Variants in GRIN2B observed in about 807,000 individuals in gnomAD.
The protein encoded by GRIN2B is glutamate receptor ionotropic, NMDA 2B.
A neutral mutation model predicts 114.5 loss-of-function variants in GRIN2B; 5 were observed. The ratio of observed to expected loss-of-function variants is 0.04; its 90% CI spans 0.02 to 0.09. The LOEUF (loss-of-function observed/expected upper bound fraction) is 0.09. Ranked by LOEUF, GRIN2B falls within the 10% of genes least tolerant of loss-of-function variation. The pLI, the probability that GRIN2B is intolerant of heterozygous loss-of-function variation, is 1.00. For synonymous variants in GRIN2B, 787 were observed against 745.1 expected, an observed-to-expected ratio of 1.06 and a Z score of -0.92; for missense variants, 1,108 against 1,943.5, an observed-to-expected ratio of 0.57 and a Z score of 8.08.
intron 3 of GRIN2B, among the ~76,000 whole-genome samples, chr12:13,789,780 C>A (rs967657828): frequency 1.3e-5 from 2 of 152,094 alleles, no homozygotes; most frequent in Non-Finnish European, 2.9e-5. Flanking sequence ...CAGAGTCCCC[C>A]ATAACCACTG....
chr12:13,563,508 C>T lies in GRIN2B; in HGVS notation c.3730G>A (p.Ala1244Thr). Residue 1244 changes from alanine (A) to threonine (T), a missense_variant, in exon 14 of 14, where the codon GCT (alanine) becomes ACT (threonine). This residue lies in a region of GRIN2B where 478 missense variants were observed against 506.0 expected (regional missense o/e 0.94). Transcript: ENST00000609686. ...SGRQACIRCE[A>T]CKKAGNLYDI... is the part of the protein sequence containing the mutation. ...TACAGGTTGCCTGCTTTCTTGCAAG[C>T]CTCACACCGGATGCACGCCTGCCTG... 1.2e-6 allele frequency: 2 copies of T among 1,614,138 alleles called. No individual in the cohort carries two copies. The highest frequency in any genetic ancestry group is 1.7e-6 in the Non-Finnish European group (2 of 1,180,034).
intron 10 of GRIN2B, among the ~76,000 whole-genome samples, chr12:13,603,906 C>G (rs774789815): frequency 6.6e-6 from 1 of 152,022 alleles, no homozygotes; most frequent in Non-Finnish European, 1.5e-5. Context: ...TTTCCAGAGT[C>G]TCGGTGTTCC....
intron 10 of GRIN2B, among the ~76,000 whole-genome samples, chr12:13,596,378 A>C (rs1017898392): frequency 6.6e-6 from 1 of 152,154 alleles, no homozygotes; most frequent in Non-Finnish European, 1.5e-5. Flanking sequence ...GCATTTAGGA[A>C]ATTAATACCA....
At chr12:13,899,849 T>C (rs1866413232) in intron 2 of GRIN2B, among the ~76,000 whole-genome samples, 1 of 106,078 alleles carries the variant, frequency 9.4e-6, no homozygotes, top group African/African-American at 2.7e-5. Context: ...ATTTTTTTAA[T>C]TGAGGAATAA....
intron 3 of GRIN2B, among the ~76,000 whole-genome samples, chr12:13,844,735 T>C (rs779038194): frequency 6.6e-6 from 1 of 152,200 alleles, no homozygotes; most frequent in Non-Finnish European, 1.5e-5. Flanking sequence ...ATAGTGACAA[T>C]AGCTATCTTC....
intron 10 of GRIN2B, among the ~76,000 whole-genome samples, chr12:13,578,821 C>T (rs1385468867): frequency 6.6e-6 from 1 of 152,072 alleles, no homozygotes; most frequent in Non-Finnish European, 1.5e-5. Context: ...CCTGAAAAGG[C>T]CTCTCTGAGA....
At chr12:13,579,822 T>C (rs564708604) in intron 10 of GRIN2B, among the ~76,000 whole-genome samples, 1 of 152,150 alleles carries the variant, frequency 6.6e-6, no homozygotes, top group Non-Finnish European at 1.5e-5. Flanking sequence ...CTAGCTAACA[T>C]ACAAGACCAC....
At chr12:13,659,625 A>AT (rs200972255) in intron 5 of GRIN2B, among the ~76,000 whole-genome samples, 2 of 152,048 alleles carry the variant, frequency 1.3e-5, no homozygotes, top group Non-Finnish European at 2.9e-5. Flanking sequence ...CACCTAGACA[A>AT]TTTTTTTAAA....
rs554459884 is a variant in GRIN2B at position 13,562,434 on chromosome 12, C to T, written c.*349G>A. The T allele has an allele frequency of 1.1e-5, 3 of 282,930 alleles. No homozygotes were observed. The South Asian group carries it at 1.9e-4, about 18-fold the overall frequency. The allele number at this position is 282,930 out of a possible 1,614,324, so 17.5% of individuals were successfully genotyped here. ...TCTTTTTGGTTCTCCCAGCTTCACT[C>T]AAAGAGGATATCAAGGAGCTCTTCC... On this transcript the variant is annotated 3_prime_UTR_variant, in exon 14 of 14. Coordinates refer to ENST00000609686, the MANE Select transcript of GRIN2B (RefSeq NM_000834.5).
intron 3 of GRIN2B, among the ~76,000 whole-genome samples, chr12:13,800,807 G>A (rs1005871325): frequency 2.0e-5 from 3 of 152,094 alleles, no homozygotes; most frequent in Non-Finnish European, 2.9e-5. Flanking sequence ...AACCAAATAC[G>A]TGTCAAAAAT....
chr12:13,959,702 G>A (rs986165381), intron 2 of GRIN2B, among the ~76,000 whole-genome samples: 5 of 151,948 alleles, frequency 3.3e-5, no homozygotes, highest in East Asian at 1.9e-4. Flanking sequence ...ATGTGTTGGC[G>A]AAGAGATGCT....
chr12:13,653,042 G>A (rs535120263), intron 5 of GRIN2B, among the ~76,000 whole-genome samples: 26 of 152,226 alleles, frequency 1.7e-4, no homozygotes, highest in Non-Finnish European at 2.8e-4. Flanking sequence ...GGATAGATTA[G>A]AAAAGGGCTA....
chr12:13,540,218 A>G lies in GRIN2B; in HGVS notation c.*22565T>C, dbSNP rs1358839907. On this transcript the variant is annotated 3_prime_UTR_variant, in exon 14 of 14. Transcript: ENST00000609686. ...AAAGAAAGCACAAAGACCAAGAAAA[A>G]AACTCTGATTCTGGATTTTTTTTAA... is the stretch of plus-strand genomic sequence containing the variant. The G allele has an allele frequency of 1.3e-5, 2 of 152,200 alleles. No homozygotes were observed. Among genetic ancestry groups the G allele is most frequent in the East Asian group, 3.8e-4 (2 of 5,196 alleles). 9.4% of individuals were successfully genotyped at this position (152,200 alleles called of 1,614,324 possible).
intron 4 of GRIN2B, among the ~76,000 whole-genome samples, chr12:13,708,098 A>G (rs1950378229): frequency 6.6e-6 from 1 of 152,130 alleles, no homozygotes; most frequent in African/African-American, 2.4e-5. Flanking sequence ...TAGTCCAGCT[A>G]TCCCAGACCA....
chr12:13,592,542 C>T (rs538759487), intron 10 of GRIN2B, among the ~76,000 whole-genome samples: 2 of 152,302 alleles, frequency 1.3e-5, no homozygotes, highest in South Asian at 4.1e-4. Context: ...TCTTTTACCA[C>T]CTGTGATGTA....
intron 2 of GRIN2B, among the ~76,000 whole-genome samples, chr12:13,908,712 C>T (rs1866583947): frequency 6.6e-6 from 1 of 152,170 alleles, no homozygotes; most frequent in African/African-American, 2.4e-5. Flanking sequence ...CTGTCATGCC[C>T]TGCCCTGAAC....
At chr12:13,827,395 TG>T (rs1422106715) in intron 3 of GRIN2B, among the ~76,000 whole-genome samples, 2 of 152,004 alleles carry the variant, frequency 1.3e-5, no homozygotes, top group African/African-American at 4.8e-5. Flanking sequence ...TTTTCCCTTC[TG>T]GGTCTCTAAT....
intron 2 of GRIN2B, among the ~76,000 whole-genome samples, chr12:13,907,793 A>T (rs924469873): frequency 0.15 from 36 of 246 alleles, no homozygotes; most frequent in Non-Finnish European, 0.18. Flanking sequence ...AATTTTTTTA[A>T]AAAAAAGTAT....
chr12:13,602,660 T>C lies in GRIN2B; in HGVS notation c.2010+5943A>G, dbSNP rs571827238. On this transcript the variant is annotated intron_variant, in intron 10 of 13. Coordinates refer to ENST00000609686, the MANE Select transcript of GRIN2B (RefSeq NM_000834.5). ...TGCCTGCATATTGATTTAAAAGTCA[T>C]GCCCTTCCTATATCCCAAAAGAATA... 4.6e-5 allele frequency among the ~76,000 whole-genome samples: 7 copies of C among 152,322 alleles called. No individual in the cohort carries two copies. In the South Asian group the frequency reaches 1.5e-3, roughly 32 times the overall value.
Sources: allele counts gnomAD v4.1 joint callset (sites outside exome capture counted in the v4.1 genomes callset), GRCh38; gene constraint gnomAD v4.1.1; regional missense constraint gnomAD v4.1.1; transcripts MANE v1.5; gene names NCBI Gene and HGNC (gene_info 2026-07-23, HGNC 2026-07-21).